Variants in NSMAF observed in about 807,000 individuals in gnomAD.
NSMAF encodes the protein protein FAN.
NSMAF carries 90 observed loss-of-function variants against 134.9 expected under a neutral mutation model. The ratio of observed to expected loss-of-function variants is 0.67; its 90% CI spans 0.56 to 0.79. The LOEUF (loss-of-function observed/expected upper bound fraction) is 0.79. Ranked by LOEUF, NSMAF falls within the 30% of genes least tolerant of loss-of-function variation. The pLI, the probability that NSMAF is intolerant of heterozygous loss-of-function variation, is 0.00. For synonymous variants in NSMAF, 358 were observed against 389.6 expected (o/e 0.92, Z 0.96); for missense variants, 1,010 against 1,119.0 (o/e 0.90, Z 1.39).
chr8:58,646,838 T>A (rs1807466048), intron 1 of NSMAF, among the ~76,000 whole-genome samples: 1 of 152,238 alleles, frequency 6.6e-6, no homozygotes, highest in Non-Finnish European at 1.5e-5. Context: ...CTCTTAGCCC[T>A]GCCCCTACAT....
At chr8:58,648,772 G>A (rs74802209) in intron 1 of NSMAF, among the ~76,000 whole-genome samples, 4,104 of 152,326 alleles carry the variant, frequency 0.027, 205 homozygotes, top group African/African-American at 0.093. Flanking sequence ...AGGTGTGCAG[G>A]TGCACAGAAT....
chr8:58,618,289 C>A (rs1407842907), intron 9 of NSMAF, among the ~76,000 whole-genome samples: 1 of 151,772 alleles, frequency 6.6e-6, no homozygotes. Context: ...TGCACATGTA[C>A]CCTAGAACTT....
Position 58,590,093 on chromosome 8 carries a change from G to C in NSMAF, c.2020-19C>G. ...ATAAAGCCTGAAATACAAATGATTT[G>C]ACGTTAACAATCTATAATAATTAGT... On this transcript the variant is annotated intron_variant, in intron 24 of 30. Coordinates refer to ENST00000038176, the MANE Select transcript of NSMAF (RefSeq NM_003580.4). The C allele has an allele frequency of 1.9e-6, 3 of 1,603,552 alleles. No individual in the cohort carries two copies. Among genetic ancestry groups the C allele is most frequent in the Non-Finnish European group, 2.6e-6 (3 of 1,170,530 alleles).
At chr8:58,605,353 C>T (rs184236701) in intron 12 of NSMAF, among the ~76,000 whole-genome samples, 19 of 152,318 alleles carry the variant, frequency 1.2e-4, no homozygotes, top group Non-Finnish European at 1.5e-5. Flanking sequence ...GAATAACTCA[C>T]TGCCTCGCAG....
chr8:58,607,686 C>T (rs1806438258), intron 11 of NSMAF, 83 bp downstream of exon 11: 2 of 1,012,784 alleles, frequency 2.0e-6, no homozygotes, highest in Non-Finnish European at 3.2e-6. Flanking sequence ...TTCAGACATC[C>T]CATAAGTGTT....
In NSMAF at chr8:58,623,880, T is replaced by C. The variant is rs1405142543; in HGVS notation, c.385-100A>G. 4.3e-6 allele frequency: 4 copies of C among 925,642 alleles called. No individual in the cohort carries two copies. In the East Asian group the frequency reaches 1.0e-4, roughly 24 times the overall value. 57.3% of individuals were successfully genotyped at this position (925,642 alleles called of 1,614,324 possible). A position where few individuals can be genotyped will look rare whatever the true frequency, so the allele number is the denominator to read the frequency against. On this transcript the variant is annotated intron_variant, in intron 6 of 30. Transcript: ENST00000038176. ...GTACAGAACCTGCTATGATAAAATC[T>C]GCATGTTTTACCTAGTGTAACTTCC... is the stretch of plus-strand genomic sequence containing the variant.
chr8:58,625,327 T>C (rs1436817196), intron 6 of NSMAF, among the ~76,000 whole-genome samples: 1 of 152,150 alleles, frequency 6.6e-6, no homozygotes, highest in Non-Finnish European at 1.5e-5. Flanking sequence ...TTTCTCTCTC[T>C]GTATATATAC....
chr8:58,641,095 T>A (rs1220154088), intron 2 of NSMAF, among the ~76,000 whole-genome samples: 1 of 151,762 alleles, frequency 6.6e-6, no homozygotes, highest in African/African-American at 2.4e-5. Context: ...CTAATTTTTG[T>A]ATTTTAGCAG....
chr8:58,599,601 G>A (rs1806226824), intron 18 of NSMAF, 149 bp downstream of exon 18: 12 of 933,136 alleles, frequency 1.3e-5, no homozygotes, highest in East Asian at 5.1e-5. Flanking sequence ...CAGACTCATA[G>A]AATACTTCTG....
chr8:58,620,633 ACCTT>A (rs1806765158), intron 9 of NSMAF, among the ~76,000 whole-genome samples: 1 of 152,204 alleles, frequency 6.6e-6, no homozygotes, highest in Non-Finnish European at 1.5e-5. Context: ...TGGTATAGTA[ACCTT>A]TGATATTGTC....
chr8:58,649,908 G>T (rs1807545162), intron 1 of NSMAF, among the ~76,000 whole-genome samples: 1 of 152,168 alleles, frequency 6.6e-6, no homozygotes, highest in African/African-American at 2.4e-5. Flanking sequence ...GCTGGGGACT[G>T]GTGACAACAA....
At chr8:58,624,514 AT>A (rs1390567290) in intron 6 of NSMAF, among the ~76,000 whole-genome samples, 1 of 145,230 alleles carries the variant, frequency 6.9e-6, no homozygotes, top group African/African-American at 2.6e-5. Context: ...TCTTTGACCC[AT>A]TGGTTTTTTG....
At chr8:58,614,195 T>G (rs1454867703) in intron 9 of NSMAF, among the ~76,000 whole-genome samples, 1 of 152,194 alleles carries the variant, frequency 6.6e-6, no homozygotes, top group Non-Finnish European at 1.5e-5. Flanking sequence ...TTTCCTGTAT[T>G]AGGCTGACTT....
At chr8:58,590,096 G>A (rs574451834) in intron 24 of NSMAF, 22 bp from the exon 25 acceptor site, 14 of 1,594,990 alleles carry the variant, frequency 8.8e-6, no homozygotes, top group African/African-American at 5.4e-5. Flanking sequence ...ATGATTTGAC[G>A]TTAACAATCT....
intron 9 of NSMAF, among the ~76,000 whole-genome samples, chr8:58,611,509 G>T (rs985963276): frequency 1.3e-5 from 2 of 152,116 alleles, no homozygotes; most frequent in Admixed American, 1.3e-4. Context: ...CTCCAGCCTG[G>T]GTGCAGTGGG....
chr8:58,635,344 C>T lies in NSMAF; in HGVS notation c.257G>A (p.Gly86Glu). 1 of 1,608,768 alleles carries T rather than the reference C, an allele frequency of 6.2e-7. No homozygotes were observed. The highest frequency in any genetic ancestry group is 8.5e-7 in the Non-Finnish European group (1 of 1,178,274). Residue 86 changes from glycine to glutamate, a missense_variant, in exon 4 of 31, where the codon GGA becomes GAA. Coordinates refer to ENST00000038176, the MANE Select transcript of NSMAF (RefSeq NM_003580.4). The stretch of plus-strand genomic sequence containing the variant: ...ATTGGCTCCATTTTCTCCATGCTTT[C>T]CTATTTTTATACAGTCTCTCAAAGG... ...KIPLRDCIKI[G>E]KHGENGANRH...
chr8:58,612,486 T>C (rs909124217), intron 9 of NSMAF, among the ~76,000 whole-genome samples: 2 of 152,156 alleles, frequency 1.3e-5, no homozygotes, highest in Non-Finnish European at 2.9e-5. Context: ...TCCTTTATTA[T>C]CATAATAAAC....
At chr8:58,657,083 G>A (rs1471550769) in intron 1 of NSMAF, among the ~76,000 whole-genome samples, 1 of 152,066 alleles carries the variant, frequency 6.6e-6, no homozygotes, top group Non-Finnish European at 1.5e-5. Flanking sequence ...ACCACACCAA[G>A]ACCTGTCAAT....
chr8:58,655,172 A>G (rs915191529), intron 1 of NSMAF, among the ~76,000 whole-genome samples: 6 of 151,862 alleles, frequency 4.0e-5, no homozygotes, highest in African/African-American at 7.3e-5. Flanking sequence ...AGGTCTCCCT[A>G]TGTTGCCCAG....
Sources: gnomAD v4.1 joint callset for allele counts (sites outside exome capture counted in the v4.1 genomes callset) on GRCh38, gnomAD v4.1.1 for gene constraint, MANE v1.5 for transcripts, NCBI Gene and HGNC (gene_info 2026-07-23, HGNC 2026-07-21) for gene names.